The following SLAIN1 variants were observed in gnomAD, a reference collection of about 807,000 sequenced individuals.
SLAIN1 encodes the protein SLAIN motif-containing protein 1.
Under a neutral mutation model 55.4 loss-of-function variants are expected in SLAIN1, and 17 were observed. The observed-to-expected ratio is 0.31, with a 90% CI of 0.21 to 0.46. SLAIN1 has a LOEUF of 0.46. Among genes scored for constraint, SLAIN1 ranks in the 20% least tolerant of loss-of-function variants. SLAIN1 has a pLI of 1.00. For missense variants in SLAIN1, 682 were observed against 785.1 expected (o/e 0.87, Z 1.57); for synonymous variants, 348 against 337.4 (o/e 1.03, Z -0.35).
intron 1 of SLAIN1, among the ~76,000 whole-genome samples, chr13:77,714,344 GGTCACACCT>G (rs1465796187): frequency 6.6e-6 from 1 of 151,982 alleles, no homozygotes; most frequent in Non-Finnish European, 1.5e-5. Context: ...GGTCATGGTG[GGTCACACCT>G]GTAATCCCAG....
Position 77,698,927 on chromosome 13 carries a change from G to C in SLAIN1, c.626+388G>C. 6.5e-7 allele frequency: 1 copy of C among 1,533,792 alleles called. No homozygotes were observed. Among genetic ancestry groups the C allele is most frequent in the Non-Finnish European group, 8.7e-7 (1 of 1,146,562 alleles). On this transcript the variant is annotated intron_variant, in intron 1 of 6. Transcript: ENST00000418532. This position sits in a 1 kb window ranked among gnomAD's most constrained non-coding sequence, Gnocchi z 4.1. ...GTTTTCGGAGGGATGACGGGGGATG[G>C]TAGGGGTTGGCCTCTGTCTGCGACT...
intron 3 of SLAIN1, among the ~76,000 whole-genome samples, chr13:77,746,238 T>C (rs1873802945): frequency 6.6e-6 from 1 of 152,156 alleles, no homozygotes; most frequent in South Asian, 2.1e-4. Context: ...GGGAAATTGA[T>C]AGATATTAAC....
intron 1 of SLAIN1, among the ~76,000 whole-genome samples, chr13:77,709,506 A>G (rs2091124990): frequency 6.6e-6 from 1 of 152,182 alleles, no homozygotes; most frequent in South Asian, 2.1e-4. Flanking sequence ...AAGAGCAGCC[A>G]AAGAGGAATT....
At chr13:77,713,960 G>A (rs2091179613) in intron 1 of SLAIN1, among the ~76,000 whole-genome samples, 1 of 151,986 alleles carries the variant, frequency 6.6e-6, no homozygotes, top group Non-Finnish European at 1.5e-5. Context: ...CTCATAGGTG[G>A]GAGTTGAACA....
At position 77,746,712 on chromosome 13, in the gene SLAIN1, C is replaced by A; in HGVS notation, c.1115C>A (p.Pro372His). Residue 372 changes from proline to histidine, a missense_variant, in exon 4 of 7, where the codon CCC (proline) becomes CAC (histidine). Around this residue, in one of 3 missense-constraint regions of SLAIN1, gnomAD observed 244 missense variants for 295.2 expected, o/e 0.83. Transcript: ENST00000418532. ...PRCSPFQRGI[P>H]HSQTFSSIRE... is the part of the protein sequence containing the mutation. ...TGTTCCCCTTTCCAAAGAGGAATTC[C>A]CCATTCACAGACTTTCTCCAGCATT... The A allele has an allele frequency of 1.9e-6, 3 of 1,613,766 alleles. No homozygotes were observed. Among genetic ancestry groups the A allele is most frequent in the Admixed American group, 3.3e-5 (2 of 59,948 alleles).
intron 1 of SLAIN1, among the ~76,000 whole-genome samples, chr13:77,699,715 T>G (rs2091012335): frequency 6.6e-6 from 1 of 152,234 alleles, no homozygotes; most frequent in Admixed American, 6.5e-5. Flanking sequence ...GGAGTTACAG[T>G]AAGCCTTTCA....
Position 77,764,143 on chromosome 13 carries a change from T to A in SLAIN1, c.*923T>A, listed in dbSNP as rs1014365640. 2 of 152,666 alleles carry A rather than the reference T, an allele frequency of 1.3e-5. No homozygotes were observed. The highest frequency in any genetic ancestry group is 1.9e-4 in the East Asian group (1 of 5,204). The allele number at this position is 152,666 out of a possible 1,614,324, so 9.5% of individuals were successfully genotyped here. A position where few individuals can be genotyped will look rare whatever the true frequency, so the allele number is the denominator to read the frequency against. On this transcript the variant is annotated 3_prime_UTR_variant, in exon 7 of 7. Coordinates refer to ENST00000418532, the MANE Select transcript of SLAIN1 (RefSeq NM_001242868.2). The stretch of plus-strand genomic sequence containing the variant: ...TACAAAATCCATTTGCACTAATGAA[T>A]GCTTTCTTATGGCATATAACTTAAT...
intron 1 of SLAIN1, among the ~76,000 whole-genome samples, chr13:77,710,607 C>A (rs924575854): frequency 6.6e-6 from 1 of 152,116 alleles, no homozygotes; most frequent in Non-Finnish European, 1.5e-5. Context: ...TCTTAGAGAC[C>A]TACAAGGAGA....
Position 77,697,719 on chromosome 13 carries a change from A to T in SLAIN1, c.-195A>T. Reference sequence around the variant, plus strand: ...GGAGGGACGCACTGAGCATGTGCAGATCAGCTCGGTGGTGGCTGCCGCGGC... The same window carrying T: ...GGAGGGACGCACTGAGCATGTGCAGTTCAGCTCGGTGGTGGCTGCCGCGGC... On this transcript the variant is annotated 5_prime_UTR_variant, in exon 1 of 7. Coordinates refer to ENST00000418532, the MANE Select transcript of SLAIN1 (RefSeq NM_001242868.2). The T allele has an allele frequency of 3.3e-6, 1 of 306,508 alleles. No homozygotes were observed. The highest frequency in any genetic ancestry group is 5.4e-6 in the Non-Finnish European group (1 of 184,196). 19.0% of individuals were successfully genotyped at this position (306,508 alleles called of 1,614,324 possible). A position where few individuals can be genotyped will look rare whatever the true frequency, so the allele number is the denominator to read the frequency against.
At chr13:77,756,166 GT>G (rs578108351) in intron 5 of SLAIN1, among the ~76,000 whole-genome samples, 136 of 151,026 alleles carry the variant, frequency 9.0e-4, no homozygotes, top group African/African-American at 3.2e-3. Context: ...TCTCTTATGT[GT>G]TTTTTTTTAA....
chr13:77,719,494 C>A, intron 1 of SLAIN1, 38 bp from the exon 2 acceptor site: 2 of 1,519,032 alleles, frequency 1.3e-6, no homozygotes, highest in Non-Finnish European at 9.0e-7. Context: ...TCTCTGTATA[C>A]CTATATCATA....
At chr13:77,750,039 A>G (rs1027787546) in intron 4 of SLAIN1, among the ~76,000 whole-genome samples, 3 of 152,194 alleles carry the variant, frequency 2.0e-5, no homozygotes, top group Non-Finnish European at 4.4e-5. Flanking sequence ...TTTTGTATGC[A>G]GATTATCATA....
chr13:77,761,259 A>T (rs1875000386), intron 6 of SLAIN1, 149 bp downstream of exon 6: 1 of 759,192 alleles, frequency 1.3e-6, no homozygotes, highest in African/African-American at 1.8e-5. Context: ...TTGAAAAGTG[A>T]TGGATATCCC....
Position 77,698,985 on chromosome 13 carries a change from A to G in SLAIN1, c.626+446A>G. On this transcript the variant is annotated intron_variant, in intron 1 of 6. Transcript: ENST00000418532. This position sits in a 1 kb window ranked among gnomAD's most constrained non-coding sequence, Gnocchi z 4.1. The stretch of plus-strand genomic sequence containing the variant: ...TTCTTTCGTTTTAAACGAACGCTGG[A>G]CAGGATTTGCGTGCTCTTCCTCCTC... The G allele has an allele frequency of 6.5e-7, 1 of 1,534,676 alleles. No individual in the cohort carries two copies. The highest frequency in any genetic ancestry group is 8.7e-7 in the Non-Finnish European group (1 of 1,146,770).
chr13:77,725,499 A>G (rs747958414), intron 2 of SLAIN1, among the ~76,000 whole-genome samples: 2 of 152,158 alleles, frequency 1.3e-5, no homozygotes, highest in African/African-American at 4.8e-5. Flanking sequence ...CAGATAGGTA[A>G]AAGTTCCTTA....
At chr13:77,752,696 A>G (rs1295009238) in intron 4 of SLAIN1, among the ~76,000 whole-genome samples, 1 of 152,146 alleles carries the variant, frequency 6.6e-6, no homozygotes, top group Non-Finnish European at 1.5e-5. Flanking sequence ...GGCCTGAGAG[A>G]TCCTGGCAAA....
intron 2 of SLAIN1, among the ~76,000 whole-genome samples, chr13:77,736,933 T>A (rs1159790319): frequency 6.6e-6 from 1 of 152,042 alleles, no homozygotes; most frequent in East Asian, 1.9e-4. Context: ...CTTTTCCTTG[T>A]GTATTTTCTC....
intron 4 of SLAIN1, among the ~76,000 whole-genome samples, chr13:77,751,806 AG>A (rs1403848925): frequency 6.6e-6 from 1 of 152,200 alleles, no homozygotes; most frequent in Non-Finnish European, 1.5e-5. Flanking sequence ...GCTGTGCTCT[AG>A]GAAGAGTGGA....
intron 5 of SLAIN1, among the ~76,000 whole-genome samples, chr13:77,756,185 G>A (rs1204716154): frequency 6.6e-6 from 1 of 151,840 alleles, no homozygotes; most frequent in Non-Finnish European, 1.5e-5. Context: ...TAAATCAAGG[G>A]TGGTTATATA....
Sources: allele counts gnomAD v4.1 joint callset (sites outside exome capture counted in the v4.1 genomes callset), GRCh38; gene constraint gnomAD v4.1.1; regional missense constraint gnomAD v4.1.1; non-coding constraint Gnocchi (gnomAD v3.1); transcripts MANE v1.5; gene names NCBI Gene and HGNC (gene_info 2026-07-23, HGNC 2026-07-21).